GPM6A: variants seen among roughly 807,000 people sequenced by gnomAD.
GPM6A encodes neuronal membrane glycoprotein M6-a.
GPM6A carries 7 observed loss-of-function variants against 32.1 expected under a neutral mutation model. The ratio of observed to expected loss-of-function variants is 0.22; its 90% CI spans 0.12 to 0.41. The LOEUF (loss-of-function observed/expected upper bound fraction) is 0.41. Among genes scored for constraint, GPM6A ranks in the 10% least tolerant of loss-of-function variants. GPM6A has a pLI of 1.00. For synonymous variants in GPM6A, 130 were observed against 123.4 expected (o/e 1.05, Z -0.35); for missense variants, 235 against 347.2 (o/e 0.68, Z 2.57).
chr4:175,991,514 A>C (rs1389678946), intron 1 of GPM6A, among the ~76,000 whole-genome samples: 1 of 152,196 alleles, frequency 6.6e-6, no homozygotes, highest in Non-Finnish European at 1.5e-5. Context: ...AAAAGAATGC[A>C]GAAAATTCCC....
At chr4:175,970,798 T>C in intron 1 of GPM6A, 2 of 435,166 alleles carry the variant, frequency 4.6e-6, no homozygotes, top group South Asian at 3.3e-5. Flanking sequence ...TTTATTTTTC[T>C]TTGTCACCGC....
intron 1 of GPM6A, among the ~76,000 whole-genome samples, chr4:175,976,539 AAACAT>A (rs1740670043): frequency 6.6e-6 from 1 of 152,126 alleles, no homozygotes; most frequent in Non-Finnish European, 1.5e-5. Context: ...ATAGCTAAAT[AAACAT>A]AATATTATAG....
intron 3 of GPM6A, among the ~76,000 whole-genome samples, chr4:175,667,788 A>G (rs916796561): frequency 6.6e-6 from 1 of 152,182 alleles, no homozygotes; most frequent in Non-Finnish European, 1.5e-5. Context: ...TCCTAGAACA[A>G]TCTGATAGGA....
At chr4:175,659,682 T>C (rs1216643347) in intron 3 of GPM6A, among the ~76,000 whole-genome samples, 2 of 152,224 alleles carry the variant, frequency 1.3e-5, no homozygotes, top group Non-Finnish European at 2.9e-5. Context: ...CCAGAGTTAT[T>C]TTATTACCAG....
intron 1 of GPM6A, among the ~76,000 whole-genome samples, chr4:175,874,130 C>T (rs573494426): frequency 3.0e-4 from 46 of 152,190 alleles, no homozygotes; most frequent in African/African-American, 1.0e-3. Flanking sequence ...ACACGGAGCA[C>T]CATATTCCTT....
chr4:175,826,517 C>T (rs1265131267), intron 1 of GPM6A, among the ~76,000 whole-genome samples: 3 of 152,046 alleles, frequency 2.0e-5, no homozygotes, highest in South Asian at 2.1e-4. Flanking sequence ...CTTTTGATTC[C>T]GTTCACTAAA....
chr4:175,992,845 T>C (rs1423072803), intron 1 of GPM6A, among the ~76,000 whole-genome samples: 1 of 152,190 alleles, frequency 6.6e-6, no homozygotes, highest in Non-Finnish European at 1.5e-5. Context: ...TATCACAATT[T>C]AAAACAGTCA....
rs368738840 is a variant in GPM6A at position 175,758,669 on chromosome 4, G to A, written c.37+53522C>T. Among the ~76,000 whole-genome samples the A allele has an allele frequency of 9.2e-5, 14 of 152,206 alleles. No individual in the cohort carries two copies. In the East Asian group the frequency reaches 2.1e-3, roughly 23 times the overall value. On this transcript the variant is annotated intron_variant, in intron 1 of 6. Transcript: ENST00000393658. ...ATTTAGATTTACAGAAACAAAGAAT[G>A]TTTTTCCAAGATTGTTCCTGGGGTT...
chr4:175,900,924 T>G (rs1057470291), intron 1 of GPM6A, among the ~76,000 whole-genome samples: 1 of 152,144 alleles, frequency 6.6e-6, no homozygotes, highest in Admixed American at 6.5e-5. Flanking sequence ...AGATACACAA[T>G]GGAGTACTAT....
intron 1 of GPM6A, among the ~76,000 whole-genome samples, chr4:175,860,101 A>T (rs1736529525): frequency 6.6e-6 from 1 of 151,998 alleles, no homozygotes; most frequent in African/African-American, 2.4e-5. Flanking sequence ...AAGAAGAAAG[A>T]TCTAAAATAA....
intron 1 of GPM6A, among the ~76,000 whole-genome samples, chr4:175,930,432 G>GGC (rs1738993312): frequency 2.0e-5 from 2 of 98,138 alleles, no homozygotes; most frequent in African/African-American, 5.3e-5. Context: ...TTTTGGGGGG[G>GGC]GGTTTTTTTG....
chr4:175,641,258 T>A (rs1016984495), intron 4 of GPM6A: 2 of 156,886 alleles, frequency 1.3e-5, no homozygotes, highest in Non-Finnish European at 2.8e-5. Flanking sequence ...AAGGAGTACT[T>A]TTTTTTCTGC....
At chr4:175,778,343 T>C (rs1733474628) in intron 1 of GPM6A, among the ~76,000 whole-genome samples, 1 of 151,986 alleles carries the variant, frequency 6.6e-6, no homozygotes, top group South Asian at 2.1e-4. Context: ...CAAAGAAAAC[T>C]CTGTAGGGGG....
rs371153926 is a variant in GPM6A, at chr4:175,695,099, T to TCTGCCTAGATTTCAGAAGCC, written c.230+6475_230+6476insGGCTTCTGAAATCTAGGCAG. On this transcript the variant is annotated intron_variant, in intron 2 of 6. Transcript: ENST00000393658. ...GGGCAAGAGTTGAGGTTTGGAAGCC[T>TCTGCCTAGATTTCAGAAGCC]CTGCCTAGATTTCAGAAGATATGCA... 2.5e-3 allele frequency among the ~76,000 whole-genome samples: 386 copies of TCTGCCTAGATTTCAGAAGCC among 152,316 alleles called. 4 individuals carry two copies. Among genetic ancestry groups the TCTGCCTAGATTTCAGAAGCC allele is most frequent in the African/African-American group, 8.9e-3 (371 of 41,576 alleles).
intron 1 of GPM6A, among the ~76,000 whole-genome samples, chr4:175,986,063 C>G (rs1740965690): frequency 6.6e-6 from 1 of 152,134 alleles, no homozygotes; most frequent in Non-Finnish European, 1.5e-5. Flanking sequence ...CTCAGCCTCC[C>G]AAAGTGCAGG....
intron 1 of GPM6A, among the ~76,000 whole-genome samples, chr4:175,826,924 C>A (rs1416845018): frequency 1.1e-4 from 16 of 152,098 alleles, no homozygotes; most frequent in Non-Finnish European, 1.5e-5. Flanking sequence ...CATTACACGA[C>A]TTCAGGCGAA....
intron 1 of GPM6A, among the ~76,000 whole-genome samples, chr4:175,703,743 C>T (rs1745007555): frequency 6.6e-6 from 1 of 152,292 alleles, no homozygotes; most frequent in East Asian, 1.9e-4. Context: ...TGGTGAGGCA[C>T]TATGTGCCAG....
At chr4:175,723,797 C>T (rs1316001438) in intron 1 of GPM6A, among the ~76,000 whole-genome samples, 1 of 152,090 alleles carries the variant, frequency 6.6e-6, no homozygotes, top group African/African-American at 2.4e-5. Context: ...ACTAATGGAA[C>T]ATTATCATCA....
chr4:175,681,910 T>C (rs1418757688), intron 2 of GPM6A, among the ~76,000 whole-genome samples: 1 of 152,126 alleles, frequency 6.6e-6, no homozygotes, highest in East Asian at 1.9e-4. Flanking sequence ...TAAAGATACA[T>C]GAAAATGTGA....
Sources: allele counts gnomAD v4.1 joint callset (sites outside exome capture counted in the v4.1 genomes callset), GRCh38; gene constraint gnomAD v4.1.1; transcripts MANE v1.5; gene names NCBI Gene and HGNC (gene_info 2026-07-23, HGNC 2026-07-21).